Variants in KLHL26 observed in about 807,000 individuals in gnomAD.
KLHL26 encodes kelch like family member 26.
In KLHL26, 4 loss-of-function variants were observed where a neutral mutation model predicts 7.1. The ratio of observed to expected loss-of-function variants is 0.56; its 90% confidence interval spans 0.28 to 1.28. The LOEUF is 1.28. Ranked by LOEUF, KLHL26 falls within the 50% of genes most tolerant of loss-of-function variation. The pLI is 0.11. For missense variants in KLHL26, 896 were observed against 924.6 expected, an observed-to-expected ratio of 0.97 and a Z score of 0.40; for synonymous variants, 465 against 414.1, an observed-to-expected ratio of 1.12 and a Z score of -1.49.
chr19:18,660,009 A>T lies in KLHL26; in HGVS notation c.84-4252A>T, dbSNP rs115361013. On this transcript the variant is annotated intron_variant, in intron 1 of 2. Transcript: ENST00000300976. The stretch of plus-strand genomic sequence containing the variant: ...GAAAGAACAGCGTGGGGAGGGAAGG[A>T]GCCTCCACAGGGTGTGTCAGTAGTG... Among the ~76,000 whole-genome samples the T allele has an allele frequency of 3.0e-3, 464 of 152,254 alleles. 5 individuals are homozygous for T. The highest frequency in any genetic ancestry group is 0.011 in the African/African-American group (450 of 41,558).
At position 18,671,402 on chromosome 19, in the gene KLHL26, C is replaced by G. The variant is rs986195597; in HGVS notation, c.*2157C>G. ...GCCCCACCCCCGACCTGAGCTCCCC[C>G]AAAGAGAACCCTTCCCCACTGGAGG... On this transcript the variant is annotated 3_prime_UTR_variant, in exon 3 of 3. Transcript: ENST00000300976. 6.6e-6 allele frequency: 1 copy of G among 152,332 alleles called. No homozygotes were observed. Among genetic ancestry groups the G allele is most frequent in the Non-Finnish European group, 1.5e-5 (1 of 68,098 alleles). 9.4% of individuals were successfully genotyped at this position (152,332 alleles called of 1,614,324 possible). A position where few individuals can be genotyped will look rare whatever the true frequency, so the allele number is the denominator to read the frequency against.
intron 1 of KLHL26, among the ~76,000 whole-genome samples, chr19:18,651,183 T>C (rs889364): frequency 0.72 from 109,093 of 152,060 alleles, 40,200 homozygotes; most frequent in African/African-American, 0.9. Flanking sequence ...TTCAGCTCTG[T>C]CATCCCTCTT....
At chr19:18,639,586 T>A (rs1976678018) in intron 1 of KLHL26, among the ~76,000 whole-genome samples, 1 of 151,758 alleles carries the variant, frequency 6.6e-6, no homozygotes, top group South Asian at 2.1e-4. Flanking sequence ...ATTTTTGTAT[T>A]TTTAGTAGAG....
chr19:18,650,127 G>A lies in KLHL26; in HGVS notation c.83+12990G>A, dbSNP rs576427607. 2.5e-3 allele frequency among the ~76,000 whole-genome samples: 383 copies of A among 152,316 alleles called. 3 individuals are homozygous for A. Among genetic ancestry groups the A allele is most frequent in the Non-Finnish European group, 3.0e-3 (202 of 68,024 alleles). ...GGAGGGGGGTCACCCGAGGATCGAG[G>A]CCGAAGATGTTTACTGACGCCACAA... On this transcript the variant is annotated intron_variant, in intron 1 of 2. Transcript: ENST00000300976. This position sits in a 1 kb window ranked among gnomAD's most constrained non-coding sequence, Gnocchi z 4.2.
At chr19:18,642,338 A>AGTGTGTGTGTGTGTGTGTGTGTGT (rs1204260630) in intron 1 of KLHL26, among the ~76,000 whole-genome samples, 2 of 123,804 alleles carry the variant, frequency 1.6e-5, no homozygotes, top group Middle Eastern at 3.7e-3. Flanking sequence ...CTAGTCACCT[A>AGTGTGTGTGTGTGTGTGTGTGTGT]GTGTGTGTGT....
At chr19:18,637,749 G>A (rs1396702310) in intron 1 of KLHL26, among the ~76,000 whole-genome samples, 1 of 151,788 alleles carries the variant, frequency 6.6e-6, no homozygotes, top group Non-Finnish European at 1.5e-5. Flanking sequence ...AGAACTCCAG[G>A]GGGTTTATAA....
intron 1 of KLHL26, among the ~76,000 whole-genome samples, chr19:18,644,334 G>A (rs987032234): frequency 3.9e-5 from 6 of 152,156 alleles, no homozygotes; most frequent in Non-Finnish European, 5.9e-5. Flanking sequence ...TCCACCTTTT[G>A]GCTATTATGA....
At chr19:18,658,001 C>G (rs2052351678) in intron 1 of KLHL26, among the ~76,000 whole-genome samples, 3 of 150,216 alleles carry the variant, frequency 2.0e-5, no homozygotes, top group African/African-American at 7.3e-5. Context: ...GGCAACAGTA[C>G]TGGGGGAGCT....
intron 2 of KLHL26, 140 bp downstream of exon 2, chr19:18,664,583 G>T: frequency 3.3e-6 from 2 of 607,678 alleles, no homozygotes; most frequent in South Asian, 5.7e-5. Context: ...GGTACCGGCT[G>T]CTCTTTTTTT....
In KLHL26 at chr19:18,646,487, A is replaced by G. The variant is rs1306190140; in HGVS notation, c.83+9350A>G. On this transcript the variant is annotated intron_variant, in intron 1 of 2. Transcript: ENST00000300976. The surrounding 1 kb of genome is among the most constrained non-coding windows in gnomAD (Gnocchi z 5.0). The stretch of plus-strand genomic sequence containing the variant: ...CGTGGACTCAAGTCCTTCTCCTGGA[A>G]AATGTGGTCAGATATGGCGGCATGA... Among the ~76,000 whole-genome samples the G allele has an allele frequency of 6.6e-6, 1 of 152,222 alleles. No homozygotes were observed. Among genetic ancestry groups the G allele is most frequent in the African/African-American group, 2.4e-5 (1 of 41,458 alleles).
intron 1 of KLHL26, among the ~76,000 whole-genome samples, chr19:18,653,506 TACCC>T (rs2052284902): frequency 1.5e-5 from 1 of 65,152 alleles, no homozygotes; most frequent in African/African-American, 6.2e-5. Context: ...CCCTTCCATC[TACCC>T]ACCCACCCAT....
At position 18,665,817 on chromosome 19, in the gene KLHL26, A is replaced by G. The variant is rs2052442278; in HGVS notation, c.266+1374A>G. 2.6e-5 allele frequency among the ~76,000 whole-genome samples: 4 copies of G among 152,104 alleles called. No homozygotes were observed. The South Asian group carries it at 8.3e-4, about 31-fold the overall frequency. On this transcript the variant is annotated intron_variant, in intron 2 of 2. Coordinates refer to ENST00000300976, the MANE Select transcript of KLHL26 (RefSeq NM_018316.3). ...TCCTGCCAGGTGGTGACCCCGCCAG[A>G]GAGAGCTGGGCCGCCCTGGGGAGGC...
intron 1 of KLHL26, among the ~76,000 whole-genome samples, chr19:18,647,912 C>G (rs1196078464): frequency 2.0e-5 from 3 of 152,194 alleles, no homozygotes; most frequent in Non-Finnish European, 4.4e-5. Context: ...ATGCCTGGTG[C>G]TGGACATGAA....
Position 18,637,100 on chromosome 19 carries a change from G to C in KLHL26, c.46G>C (p.Ala16Pro), listed in dbSNP as rs1329444480. The C allele has an allele frequency of 1.4e-6, 2 of 1,380,588 alleles. No individual in the cohort carries two copies. Among genetic ancestry groups the C allele is most frequent in the Admixed American group, 3.5e-5 (1 of 28,484 alleles). 85.5% of individuals were successfully genotyped at this position (1,380,588 alleles called of 1,614,324 possible). A position where few individuals can be genotyped will look rare whatever the true frequency, so the allele number is the denominator to read the frequency against. Residue 16 changes from alanine (A) to proline (P), a missense_variant, in exon 1 of 3, where the codon GCT (alanine) becomes CCT (proline). Physicochemically the swap from Ala to Pro is conservative, Grantham distance 27 (BLOSUM62 -1). Transcript: ENST00000300976. ...GSSGGAGGGGAFGAGPGPERP... is the reference protein window; with the variant it reads ...GSSGGAGGGGPFGAGPGPERP... ...CAGCGGTGGTGCTGGTGGCGGCGGC[G>C]CTTTCGGCGCGGGCCCGGGCCCCGA...
In KLHL26 at chr19:18,648,728, C is replaced by T. The variant is rs962544362; in HGVS notation, c.83+11591C>T. 6.6e-6 allele frequency among the ~76,000 whole-genome samples: 1 copy of T among 152,192 alleles called. No homozygotes were observed. The highest frequency in any genetic ancestry group is 1.9e-4 in the East Asian group (1 of 5,198). Reference sequence around the variant, plus strand: ...GCAGGTCCCAGTCCTGGGAATGTCCCTCCTCCTGAGAGAAGGCCTCAGTCT... The same window carrying T: ...GCAGGTCCCAGTCCTGGGAATGTCCTTCCTCCTGAGAGAAGGCCTCAGTCT... On this transcript the variant is annotated intron_variant, in intron 1 of 2. Coordinates refer to ENST00000300976, the MANE Select transcript of KLHL26 (RefSeq NM_018316.3). This position sits in a 1 kb window ranked among gnomAD's most constrained non-coding sequence, Gnocchi z 4.9.
In KLHL26 at chr19:18,664,341, C is replaced by G. The variant is rs747756885; in HGVS notation, c.164C>G (p.Thr55Ser). 4 of 1,609,760 alleles carry G rather than the reference C, an allele frequency of 2.5e-6. No homozygotes were observed. The South Asian group carries it at 4.4e-5, about 18-fold the overall frequency. The change falls in exon 2 of 3, where the codon ACC becomes AGC. Residue 55 changes from threonine (T) to serine (S), a missense_variant. Physicochemically the swap from Thr to Ser is moderately conservative, Grantham distance 58 (BLOSUM62 1). Coordinates refer to ENST00000300976, the MANE Select transcript of KLHL26 (RefSeq NM_018316.3). ...HSTSLLQGLATLRAQGQLLDV... is the reference protein window; with the variant it reads ...HSTSLLQGLASLRAQGQLLDV... ...ACCAGCCTCCTGCAGGGCCTGGCCA[C>G]CCTCCGCGCTCAGGGCCAGCTCCTC...
At chr19:18,659,342 C>T (rs1470048225) in intron 1 of KLHL26, among the ~76,000 whole-genome samples, 1 of 152,246 alleles carries the variant, frequency 6.6e-6, no homozygotes, top group Non-Finnish European at 1.5e-5. Flanking sequence ...CCCTGAAGTA[C>T]AGCCTCTTCC....
chr19:18,665,632 T>C (rs2052440084), intron 2 of KLHL26, among the ~76,000 whole-genome samples: 1 of 152,224 alleles, frequency 6.6e-6, no homozygotes, highest in Non-Finnish European at 1.5e-5. Context: ...GAAGAGGCCA[T>C]GGCGGGCACT....
At chr19:18,645,332 G>A (rs577062617) in intron 1 of KLHL26, among the ~76,000 whole-genome samples, 1 of 152,168 alleles carries the variant, frequency 6.6e-6, no homozygotes, top group Non-Finnish European at 1.5e-5. Context: ...GTACCTGACC[G>A]GCAGAGTTTT....
Sources: gnomAD v4.1 joint callset for allele counts (sites outside exome capture counted in the v4.1 genomes callset) on GRCh38, gnomAD v4.1.1 for gene constraint, Gnocchi (gnomAD v3.1) non-coding constraint, MANE v1.5 for transcripts, NCBI Gene and HGNC (gene_info 2026-07-23, HGNC 2026-07-21) for gene names.